Variants in ZBTB4 observed in about 807,000 individuals in gnomAD.
The protein encoded by ZBTB4 is zinc finger and BTB domain-containing protein 4.
Under a neutral mutation model 59.8 loss-of-function variants are expected in ZBTB4, and 14 were observed. The observed-to-expected ratio is 0.23, with a 90% CI of 0.15 to 0.37. The LOEUF (loss-of-function observed/expected upper bound fraction) is 0.37. Among genes scored for constraint, ZBTB4 ranks in the 10% least tolerant of loss-of-function variants. The pLI, the probability that ZBTB4 is intolerant of heterozygous loss-of-function variation, is 1.00. For synonymous variants in ZBTB4, 587 were observed against 575.2 expected, an observed-to-expected ratio of 1.02 and a Z score of -0.29; for missense variants, 1,198 against 1,380.8, an observed-to-expected ratio of 0.87 and a Z score of 2.10.
At chr17:7,472,341 C>A (rs1267135285) in intron 1 of ZBTB4, among the ~76,000 whole-genome samples, 1 of 152,100 alleles carries the variant, frequency 6.6e-6, no homozygotes, top group Non-Finnish European at 1.5e-5. Context: ...CAGGCGCCTG[C>A]CACCACGTCC....
rs1042904321 is a variant in ZBTB4, at chr17:7,462,756, C to T, written c.2226G>A (p.Arg742=). Residue 742 remains arginine (R), a synonymous_variant, in exon 4 of 4, where the codon CGG becomes CGA. Transcript: ENST00000380599. The surrounding 1 kb of genome is among the most constrained non-coding windows in gnomAD (Gnocchi z 7.5). Reference sequence around the variant, plus strand: ...CCCCACCGTGGGCCTCTTGGTGCTTCCGCAGCTTTCTCAGGGTGGTGAAGG... The same window carrying T: ...CCCCACCGTGGGCCTCTTGGTGCTTTCGCAGCTTTCTCAGGGTGGTGAAGG... The part of the protein sequence containing the change: ...AQTFTTLRKL[R]KHQEAHGGGS... 4 of 1,602,902 alleles carry T rather than the reference C, an allele frequency of 2.5e-6. No individual in the cohort carries two copies. The African/African-American group carries it at 4.0e-5, about 16-fold the overall frequency.
At chr17:7,470,161 G>T (rs1446014804) in intron 1 of ZBTB4, among the ~76,000 whole-genome samples, 1 of 152,182 alleles carries the variant, frequency 6.6e-6, no homozygotes, top group Non-Finnish European at 1.5e-5. Context: ...ACTTTGGAAG[G>T]CTGAGGCAGG....
chr17:7,471,974 G>T (rs1190038747), intron 1 of ZBTB4, among the ~76,000 whole-genome samples: 1 of 152,122 alleles, frequency 6.6e-6, no homozygotes, highest in Non-Finnish European at 1.5e-5. Context: ...CTGAGGTGGG[G>T]ATCTGAGCAT....
rs180903042 is a variant in ZBTB4 at position 7,476,896 on chromosome 17, A to G, written c.-81+2560T>C. On this transcript the variant is annotated intron_variant, in intron 1 of 3. Transcript: ENST00000380599. ...GAAAGGACCATCCACTGAATGTTCC[A>G]GAAGGCAGCAGAGTACAGTAGTTAA... Among the ~76,000 whole-genome samples, 16 of 152,362 alleles carry G rather than the reference A, an allele frequency of 1.1e-4. No individual in the cohort carries two copies. The East Asian group carries it at 2.7e-3, about 26-fold the overall frequency.
intron 3 of ZBTB4, 40 bp downstream of exon 3, chr17:7,465,671 C>T (rs2070109306): frequency 6.4e-7 from 1 of 1,558,326 alleles, no homozygotes; most frequent in South Asian, 1.2e-5. Flanking sequence ...CCGCTGAGTG[C>T]CAGCCTCCAG....
upstream of ZBTB4, chr17:7,481,480 C>G (rs1398078822): frequency 5.3e-6 from 8 of 1,515,660 alleles, no homozygotes; most frequent in Non-Finnish European, 6.2e-6. Context: ...GGCCCAGGCT[C>G]CCTGAGCCAG....
upstream of ZBTB4, chr17:7,482,049 C>T: frequency 6.2e-7 from 1 of 1,613,516 alleles, no homozygotes; most frequent in African/African-American, 1.3e-5. Flanking sequence ...CCCTCCGCTC[C>T]ACCCAGCCTC....
At chr17:7,473,915 T>G (rs997286678) in intron 1 of ZBTB4, among the ~76,000 whole-genome samples, 4 of 152,100 alleles carry the variant, frequency 2.6e-5, no homozygotes, top group African/African-American at 4.8e-5. Context: ...TTTTTGGTTT[T>G]GTTTTGTTTT....
chr17:7,466,106 C>A lies in ZBTB4; in HGVS notation c.696G>T (p.Arg232=). Residue 232 remains arginine, a synonymous_variant, in exon 3 of 4, where the codon CGG becomes CGT. Transcript: ENST00000380599. The surrounding 1 kb of genome is among the most constrained non-coding windows in gnomAD (Gnocchi z 9.1). ...TTCCACACTGGGGGCAGGGGAGGGG[C>A]CGCCGGGGCAGGGAGCACTGCAAGT... ...APDLQCSLPR[R]PLPCPQCGKS... is the part of the protein sequence containing the mutation. 3 of 1,605,720 alleles carry A rather than the reference C, an allele frequency of 1.9e-6. No homozygotes were observed. Among genetic ancestry groups the A allele is most frequent in the Non-Finnish European group, 2.6e-6 (3 of 1,175,116 alleles).
rs2070126391 is a variant in ZBTB4, at chr17:7,466,474, A to G, written c.328T>C (p.Ser110Pro). Residue 110 changes from serine (S) to proline (P), a missense_variant, in exon 3 of 4, where the codon TCC (serine) becomes CCC (proline). Ser to Pro is a moderately conservative substitution (Grantham distance 74). Transcript: ENST00000380599. The surrounding 1 kb of genome is among the most constrained non-coding windows in gnomAD (Gnocchi z 9.1). ...GGGGGAGAGGCTGGAGGGGGAGAGG[A>G]AGAGGAAGAGGAAGAAGAAGAAGAA... Reference protein sequence around the residue: ...SASSSSSSSSSSPPPASPPAS... With the variant: ...SASSSSSSSSPSPPPASPPAS... 2 of 1,606,900 alleles carry G rather than the reference A, an allele frequency of 1.2e-6. No individual in the cohort carries two copies. Among genetic ancestry groups the G allele is most frequent in the African/African-American group, 1.3e-5 (1 of 74,088 alleles).
upstream of ZBTB4, chr17:7,481,313 A>G: frequency 1.3e-6 from 1 of 792,410 alleles, no homozygotes; most frequent in Non-Finnish European, 1.7e-6. Context: ...CTGGATAACA[A>G]GAGTGGAAAC....
intron 1 of ZBTB4, among the ~76,000 whole-genome samples, chr17:7,469,285 G>A (rs1374439110): frequency 6.6e-6 from 1 of 152,176 alleles, no homozygotes; most frequent in East Asian, 1.9e-4. Flanking sequence ...TCCAGCCTCA[G>A]CTTCTTGAGT....
rs1345944558 is a variant in ZBTB4, at chr17:7,466,316, C to T, written c.486G>A (p.Glu162=). 6.2e-7 allele frequency: 1 copy of T among 1,613,824 alleles called. No individual in the cohort carries two copies. The highest frequency in any genetic ancestry group is 8.5e-7 in the Non-Finnish European group (1 of 1,179,932). ...CCAGACGGCGCCCCAAAGCTCCAAT[C>T]TCTGCTACAGCTGCCCCGTCCCCTC... is the stretch of plus-strand genomic sequence containing the variant. The part of the protein sequence containing the change: ...GGGGDGAAVA[E]IGALGRRLGI... Residue 162 remains glutamate, a synonymous_variant, in exon 3 of 4, where the codon GAG becomes GAA. Coordinates refer to ENST00000380599, the MANE Select transcript of ZBTB4 (RefSeq NM_001128833.2). This position sits in a 1 kb window ranked among gnomAD's most constrained non-coding sequence, Gnocchi z 9.1.
Position 7,462,291 on chromosome 17 carries a change from C to T in ZBTB4, c.2691G>A (p.Gly897=). The stretch of plus-strand genomic sequence containing the variant: ...GGTCCCCCTCACCAGCCCCCACTGG[C>T]CCTTCACTCCCAGATTTTCCCCTGC... ...GGGRGKSGSE[G]PVGAGEGDRM... The change falls in exon 4 of 4, where the codon GGG becomes GGA. Residue 897 remains glycine (G), a synonymous_variant. Transcript: ENST00000380599. This position sits in a 1 kb window ranked among gnomAD's most constrained non-coding sequence, Gnocchi z 7.5. 2 of 1,613,838 alleles carry T rather than the reference C, an allele frequency of 1.2e-6. No individual in the cohort carries two copies. Among genetic ancestry groups the T allele is most frequent in the Non-Finnish European group, 1.7e-6 (2 of 1,179,868 alleles).
At chr17:7,470,471 A>C (rs1356104753) in intron 1 of ZBTB4, among the ~76,000 whole-genome samples, 4 of 151,880 alleles carry the variant, frequency 2.6e-5, no homozygotes, top group Non-Finnish European at 5.9e-5. Flanking sequence ...AGGTGGATGG[A>C]TCACCTGAAG....
At position 7,463,011 on chromosome 17, in the gene ZBTB4, A is replaced by G. The variant is rs1487739048; in HGVS notation, c.1971T>C (p.Ala657=). The change falls in exon 4 of 4, where the codon GCT becomes GCC. Residue 657 remains alanine, a synonymous_variant. Coordinates refer to ENST00000380599, the MANE Select transcript of ZBTB4 (RefSeq NM_001128833.2). The stretch of plus-strand genomic sequence containing the variant: ...GCCTCCAGAGCTGGTCCTCCCCACC[A>G]GCCTTTGATTCCTCCTCATCCTCCT... The part of the protein sequence containing the change: ...EEEEDEEESK[A]GGEDQLWRPY... 4 of 1,611,208 alleles carry G rather than the reference A, an allele frequency of 2.5e-6. No individual in the cohort carries two copies. The highest frequency in any genetic ancestry group is 2.5e-6 in the Non-Finnish European group (3 of 1,179,452).
At chr17:7,470,397 C>CA (rs966190608) in intron 1 of ZBTB4, among the ~76,000 whole-genome samples, 7 of 150,290 alleles carry the variant, frequency 4.7e-5, no homozygotes, top group African/African-American at 1.2e-4. Context: ...GACCCTGCCT[C>CA]AAAAAAATAA....
chr17:7,465,642 G>A, intron 3 of ZBTB4, 69 bp downstream of exon 3: 2 of 1,509,932 alleles, frequency 1.3e-6, no homozygotes, highest in Non-Finnish European at 1.8e-6. Flanking sequence ...CCCACCCACT[G>A]CCGCCCTTGT....
chr17:7,464,709 G>A (rs1456877659), intron 3 of ZBTB4, among the ~76,000 whole-genome samples: 7 of 151,444 alleles, frequency 4.6e-5, no homozygotes, highest in South Asian at 4.2e-4. Context: ...GTGGTGGCGC[G>A]CACCTGTAAT....
Sources: allele counts gnomAD v4.1 joint callset (sites outside exome capture counted in the v4.1 genomes callset), GRCh38; gene constraint gnomAD v4.1.1; non-coding constraint Gnocchi (gnomAD v3.1); transcripts MANE v1.5; gene names NCBI Gene and HGNC (gene_info 2026-07-23, HGNC 2026-07-21).